GXYLT2: variants seen among roughly 807,000 people sequenced by gnomAD.
GXYLT2 encodes the protein glucoside xylosyltransferase 2.
In GXYLT2, 53 loss-of-function variants were observed where a neutral mutation model predicts 45.8. The ratio of observed to expected loss-of-function variants is 1.16; its 90% CI spans 0.93 to 1.46. The LOEUF (loss-of-function observed/expected upper bound fraction) is 1.46. Among genes scored for constraint, GXYLT2 ranks in the 40% most tolerant of loss-of-function variants. The probability of loss-of-function intolerance (pLI) is 0.00; values close to 1 mark genes in which losing one functional copy is unlikely to be tolerated. For synonymous variants in GXYLT2, 219 were observed against 214.2 expected, an observed-to-expected ratio of 1.02 and a Z score of -0.19; for missense variants, 551 against 544.4, an observed-to-expected ratio of 1.01 and a Z score of -0.12.
At chr3:72,890,458 A>C (rs1219583594) in intron 1 of GXYLT2, among the ~76,000 whole-genome samples, 1 of 152,224 alleles carries the variant, frequency 6.6e-6, no homozygotes, top group African/African-American at 2.4e-5. Context: ...TCAGATGAGG[A>C]AAGTATTGCA....
intron 3 of GXYLT2, among the ~76,000 whole-genome samples, chr3:72,928,850 G>A (rs894049573): frequency 6.6e-6 from 1 of 152,084 alleles, no homozygotes; most frequent in Non-Finnish European, 1.5e-5. Flanking sequence ...TTTGCCAGAC[G>A]TTCCTCGCCG....
At chr3:72,966,773 G>A (rs1030473834) in intron 5 of GXYLT2, among the ~76,000 whole-genome samples, 4 of 151,986 alleles carry the variant, frequency 2.6e-5, no homozygotes, top group Non-Finnish European at 5.9e-5. Flanking sequence ...TTACAGGTGC[G>A]TGCCACCATG....
intron 5 of GXYLT2, among the ~76,000 whole-genome samples, chr3:72,961,337 A>C (rs755002377): frequency 3.3e-5 from 5 of 152,136 alleles, no homozygotes; most frequent in Non-Finnish European, 7.4e-5. Flanking sequence ...ACACAGCTCC[A>C]CTCAGGCCAG....
chr3:72,896,332 T>A (rs1460613507), intron 1 of GXYLT2, among the ~76,000 whole-genome samples: 1 of 152,068 alleles, frequency 6.6e-6, no homozygotes, highest in Non-Finnish European at 1.5e-5. Flanking sequence ...CCCAGCACTT[T>A]GGGAGGCTGA....
chr3:72,938,215 G>A lies in GXYLT2; in HGVS notation c.600+15880G>A, dbSNP rs529035007. On this transcript the variant is annotated intron_variant, in intron 3 of 6. Coordinates refer to ENST00000389617, the MANE Select transcript of GXYLT2 (RefSeq NM_001080393.2). ...AAACTCTTTTGATGGATGAATGGGT[G>A]GAAGGAAAGATGGATGTATAGATGG... Among the ~76,000 whole-genome samples the A allele has an allele frequency of 4.9e-4, 75 of 152,310 alleles. 1 individual carries two copies. The South Asian group carries it at 0.015, about 31-fold the overall frequency.
At chr3:72,957,046 G>GA (rs754634276) in intron 4 of GXYLT2, among the ~76,000 whole-genome samples, 183 bp from the exon 5 acceptor site, 1 of 146,894 alleles carries the variant, frequency 6.8e-6, no homozygotes, top group Non-Finnish European at 1.5e-5. Flanking sequence ...GTGTACAGCT[G>GA]AAAAAAGCGA....
intron 5 of GXYLT2, among the ~76,000 whole-genome samples, chr3:72,960,713 G>C (rs1250038200): frequency 2.0e-5 from 3 of 150,866 alleles, no homozygotes; most frequent in Non-Finnish European, 4.4e-5. Context: ...TTTGAACTGA[G>C]ATCCAGCAAT....
chr3:72,926,171 G>C (rs1300868555), intron 3 of GXYLT2, among the ~76,000 whole-genome samples: 1 of 152,184 alleles, frequency 6.6e-6, no homozygotes, highest in African/African-American at 2.4e-5. Context: ...CCAAGAGGCT[G>C]TCATCTACCC....
At chr3:72,965,819 C>T (rs965215461) in intron 5 of GXYLT2, among the ~76,000 whole-genome samples, 1 of 152,094 alleles carries the variant, frequency 6.6e-6, no homozygotes, top group African/African-American at 2.4e-5. Context: ...GCAAAATTGC[C>T]CCTGGTTGAG....
At chr3:72,943,549 T>C (rs955766470) in intron 3 of GXYLT2, among the ~76,000 whole-genome samples, 8 of 151,884 alleles carry the variant, frequency 5.3e-5, no homozygotes, top group African/African-American at 1.9e-4. Flanking sequence ...GCTAACTTTT[T>C]ATTTTTTTGT....
intron 6 of GXYLT2, among the ~76,000 whole-genome samples, chr3:72,969,516 T>C: frequency 6.6e-6 from 1 of 152,186 alleles, no homozygotes; most frequent in East Asian, 1.9e-4. Context: ...ATTTTTCTTT[T>C]GGTGGAGATG....
At chr3:72,943,640 G>T (rs919362073) in intron 3 of GXYLT2, among the ~76,000 whole-genome samples, 1 of 152,068 alleles carries the variant, frequency 6.6e-6, no homozygotes, top group African/African-American at 2.4e-5. Flanking sequence ...GCCTCCCAAA[G>T]TGCTGGGATT....
At chr3:72,932,718 C>G (rs919958948) in intron 3 of GXYLT2, among the ~76,000 whole-genome samples, 7 of 152,158 alleles carry the variant, frequency 4.6e-5, no homozygotes, top group Admixed American at 3.9e-4. Context: ...TCTTCTCAGG[C>G]CTTCAGAGAG....
intron 1 of GXYLT2, among the ~76,000 whole-genome samples, chr3:72,902,435 CTGAA>C (rs2107070549): frequency 6.6e-6 from 1 of 152,290 alleles, no homozygotes; most frequent in African/African-American, 2.4e-5. Context: ...ACTAAGAACA[CTGAA>C]TGTTGTCATT....
At position 72,906,155 on chromosome 3, in the gene GXYLT2, C is replaced by T. The variant is rs114182971; in HGVS notation, c.276-2212C>T. On this transcript the variant is annotated intron_variant, in intron 1 of 6. Coordinates refer to ENST00000389617, the MANE Select transcript of GXYLT2 (RefSeq NM_001080393.2). ...CATCTCCACATCCCTTTACATGTGA[C>T]TTGGGAGTTGACTTAAATAGCAAAC... Among the ~76,000 whole-genome samples, 564 of 152,258 alleles carry T rather than the reference C, an allele frequency of 3.7e-3. 4 individuals are homozygous for T. Among genetic ancestry groups the T allele is most frequent in the African/African-American group, 0.013 (533 of 41,556 alleles).
intron 5 of GXYLT2, among the ~76,000 whole-genome samples, chr3:72,958,198 G>A (rs1049296477): frequency 4.0e-5 from 6 of 151,596 alleles, no homozygotes; most frequent in South Asian, 2.1e-4. Flanking sequence ...ACTTGAACCC[G>A]GGAAGTGGAG....
intron 1 of GXYLT2, among the ~76,000 whole-genome samples, chr3:72,902,602 C>G (rs1400593137): frequency 2.6e-5 from 4 of 152,030 alleles, no homozygotes; most frequent in African/African-American, 9.7e-5. Context: ...TTTGATAGGC[C>G]AAGGTGGGAG....
chr3:72,941,142 G>A (rs1710290467), intron 3 of GXYLT2, among the ~76,000 whole-genome samples: 1 of 152,088 alleles, frequency 6.6e-6, no homozygotes, highest in Non-Finnish European at 1.5e-5. Flanking sequence ...CATGTGTTCT[G>A]GGTCTGCATG....
intron 3 of GXYLT2, among the ~76,000 whole-genome samples, chr3:72,944,999 C>T (rs1046798095): frequency 2.6e-5 from 4 of 151,998 alleles, no homozygotes; most frequent in Admixed American, 1.3e-4. Context: ...TTCATTTGTT[C>T]ACAGATCTTC....
Sources: allele counts gnomAD v4.1 joint callset (sites outside exome capture counted in the v4.1 genomes callset), GRCh38; gene constraint gnomAD v4.1.1; transcripts MANE v1.5; gene names NCBI Gene and HGNC (gene_info 2026-07-23, HGNC 2026-07-21).